Variants in ACOT1 observed in about 807,000 individuals in gnomAD.
ACOT1 encodes the protein acyl-CoA thioesterase 1.
A neutral mutation model predicts 15.7 loss-of-function variants in ACOT1; 8 were observed. The ratio of observed to expected loss-of-function variants is 0.51; its 90% CI spans 0.30 to 0.92. The LOEUF is 0.92. Ranked by LOEUF, ACOT1 falls within the 40% of genes least tolerant of loss-of-function variation. ACOT1 has a pLI of 0.06. For synonymous variants in ACOT1, 67 were observed against 241.2 expected (o/e 0.28, Z 6.69); for missense variants, 151 against 539.4 (o/e 0.28, Z 7.13).
upstream of ACOT1, chr14:73,537,074 C>A (rs1490315301): frequency 2.5e-5 from 5 of 200,250 alleles, 1 homozygote; most frequent in Non-Finnish European, 4.5e-5. Flanking sequence ...AGCTCCACCC[C>A]CCGGGATCAC....
chr14:73,512,033 G>A, the ACOT1 span: 10 of 1,613,826 alleles, frequency 6.2e-6, no homozygotes, highest in Admixed American at 3.3e-5. Flanking sequence ...GTGGCAATCC[G>A]GGGCCGTTCC....
the ACOT1 span, among the ~76,000 whole-genome samples, chr14:73,501,700 A>G: frequency 6.7e-6 from 1 of 150,184 alleles, no homozygotes; most frequent in East Asian, 2.0e-4. Context: ...TCAGCCTCCC[A>G]AGTAGCTGGG....
chr14:73,503,338 A>C, the ACOT1 span, among the ~76,000 whole-genome samples: 3 of 152,168 alleles, frequency 2.0e-5, no homozygotes, highest in African/African-American at 7.2e-5. Flanking sequence ...GGGAGACTTA[A>C]AATTTGAAAG....
the ACOT1 span, among the ~76,000 whole-genome samples, chr14:73,494,834 T>C: frequency 6.6e-6 from 1 of 152,014 alleles, no homozygotes; most frequent in Admixed American, 6.6e-5. Flanking sequence ...GCACTGAGAG[T>C]CCAGGTGTGC....
chr14:73,499,824 T>A, the ACOT1 span, among the ~76,000 whole-genome samples: 1 of 152,054 alleles, frequency 6.6e-6, no homozygotes, highest in South Asian at 2.1e-4. Context: ...GATTCAGGGG[T>A]GTGCTCTAGA....
chr14:73,523,457 G>A, the ACOT1 span, among the ~76,000 whole-genome samples: 1 of 152,218 alleles, frequency 6.6e-6, no homozygotes, highest in African/African-American at 2.4e-5. Context: ...TCATCTCCGT[G>A]TGAGGGATGA....
At chr14:73,499,503 A>T in the ACOT1 span, among the ~76,000 whole-genome samples, 1 of 152,084 alleles carries the variant, frequency 6.6e-6, no homozygotes, top group African/African-American at 2.4e-5. Flanking sequence ...AACAAAACAA[A>T]GCAAAAGAAT....
At chr14:73,501,569 C>CTTTTT in the ACOT1 span, among the ~76,000 whole-genome samples, 9 of 108,150 alleles carry the variant, frequency 8.3e-5, no homozygotes, top group African/African-American at 2.8e-4. Flanking sequence ...GTCTCTCTCT[C>CTTTTT]TTTTTTTTTT....
the ACOT1 span, among the ~76,000 whole-genome samples, chr14:73,499,326 C>T: frequency 1.3e-5 from 2 of 152,038 alleles, no homozygotes; most frequent in Non-Finnish European, 2.9e-5. Context: ...ACTAAAAATA[C>T]AAAAATTAGC....
chr14:73,506,958 G>T, the ACOT1 span, among the ~76,000 whole-genome samples: 1 of 151,688 alleles, frequency 6.6e-6, no homozygotes, highest in Non-Finnish European at 1.5e-5. Flanking sequence ...CTGCCACCAC[G>T]CCCGGTTAAT....
the ACOT1 span, chr14:73,492,779 T>G: frequency 1.2e-6 from 2 of 1,613,936 alleles, no homozygotes; most frequent in Non-Finnish European, 1.7e-6. This position sits in a 1 kb window ranked among gnomAD's most constrained non-coding sequence, Gnocchi z 4.9. Flanking sequence ...CTTGGAAATA[T>G]ACCCCCAGCA....
chr14:73,494,382 G>A, the ACOT1 span, among the ~76,000 whole-genome samples: 21,661 of 152,146 alleles, frequency 0.14, 2,236 homozygotes, highest in Non-Finnish European at 0.21. Context: ...TTTAGGTTGC[G>A]TCTGGGACTC....
At chr14:73,507,015 C>G in the ACOT1 span, among the ~76,000 whole-genome samples, 1 of 151,762 alleles carries the variant, frequency 6.6e-6, no homozygotes, top group African/African-American at 2.4e-5. Flanking sequence ...TGGTGCCAGG[C>G]TGGTCTTGAA....
the ACOT1 span, among the ~76,000 whole-genome samples, chr14:73,523,667 C>T: frequency 6.6e-6 from 1 of 152,154 alleles, no homozygotes; most frequent in Non-Finnish European, 1.5e-5. Context: ...CTCTGAGTAT[C>T]CTCTCTCCAC....
chr14:73,503,644 A>T, the ACOT1 span, among the ~76,000 whole-genome samples: 1 of 149,488 alleles, frequency 6.7e-6, no homozygotes, highest in Non-Finnish European at 1.5e-5. Context: ...TAAAAATTTT[A>T]AAAAATAAAA....
chr14:73,525,648 T>C, the ACOT1 span, among the ~76,000 whole-genome samples: 2 of 152,018 alleles, frequency 1.3e-5, no homozygotes, highest in African/African-American at 4.8e-5. Flanking sequence ...TGAACAACTG[T>C]CCCCACAAGG....
At chr14:73,523,162 C>T in the ACOT1 span, 2 of 1,564,998 alleles carry the variant, frequency 1.3e-6, no homozygotes, top group African/African-American at 1.3e-5. Flanking sequence ...TACCGCGTCC[C>T]AGCAAATGCT....
At chr14:73,500,146 C>T in the ACOT1 span, among the ~76,000 whole-genome samples, 3 of 152,242 alleles carry the variant, frequency 2.0e-5, no homozygotes, top group Middle Eastern at 3.4e-3. Context: ...AGGAGAATGG[C>T]GTGAACCTGG....
At chr14:73,538,609 C>G (rs1888960088) in intron 1 of ACOT1, among the ~76,000 whole-genome samples, 1 of 59,684 alleles carries the variant, frequency 1.7e-5, no homozygotes, top group African/African-American at 6.7e-5. Context: ...GAGACTCCGT[C>G]TCAAAAAAAA....
Sources: gnomAD v4.1 joint callset for allele counts (sites outside exome capture counted in the v4.1 genomes callset) on GRCh38, gnomAD v4.1.1 for gene constraint, Gnocchi (gnomAD v3.1) non-coding constraint, MANE v1.5 for transcripts, NCBI Gene and HGNC (gene_info 2026-07-23, HGNC 2026-07-21) for gene names.